CNTNAP2: variants seen among roughly 807,000 people sequenced by gnomAD.
The protein encoded by CNTNAP2 is contactin-associated protein-like 2.
In CNTNAP2, 98 loss-of-function variants were observed where a neutral mutation model predicts 155.2. That is an observed-to-expected ratio of 0.63 (90% CI 0.54 to 0.75). The LOEUF (loss-of-function observed/expected upper bound fraction) is 0.75, where lower values mean the gene tolerates loss of function less well. Among genes scored for constraint, CNTNAP2 ranks in the 30% least tolerant of loss-of-function variants. The pLI is 0.00. For synonymous variants in CNTNAP2, 651 were observed against 631.2 expected, an observed-to-expected ratio of 1.03 and a Z score of -0.47; for missense variants, 1,727 against 1,688.1, an observed-to-expected ratio of 1.02 and a Z score of -0.40.
At chr7:148,269,262 A>G (rs952687355) in intron 21 of CNTNAP2, among the ~76,000 whole-genome samples, 1 of 152,228 alleles carries the variant, frequency 6.6e-6, no homozygotes, top group Non-Finnish European at 1.5e-5. Flanking sequence ...ATTGTACGAT[A>G]TGAAAGATAA....
chr7:147,062,574 C>A (rs971286631), intron 4 of CNTNAP2, among the ~76,000 whole-genome samples: 1 of 152,062 alleles, frequency 6.6e-6, no homozygotes, highest in Non-Finnish European at 1.5e-5. Context: ...CCCATTTTTG[C>A]CACTCATAAT....
intron 21 of CNTNAP2, among the ~76,000 whole-genome samples, chr7:148,305,480 T>A (rs1436918721): frequency 1.3e-5 from 2 of 152,162 alleles, no homozygotes; most frequent in African/African-American, 4.8e-5. Context: ...TCTGTATTAG[T>A]CTGTCTTCCT....
intron 21 of CNTNAP2, among the ~76,000 whole-genome samples, chr7:148,322,349 T>C (rs1797807449): frequency 6.6e-6 from 1 of 152,168 alleles, no homozygotes; most frequent in South Asian, 2.1e-4. Context: ...TCTCGTACAC[T>C]CTGAGGGAAA....
intron 1 of CNTNAP2, among the ~76,000 whole-genome samples, chr7:146,168,431 C>G (rs1798343772): frequency 6.6e-6 from 1 of 152,184 alleles, no homozygotes; most frequent in Admixed American, 6.5e-5. Flanking sequence ...CATTCCCTAT[C>G]CTACAGATAA....
At chr7:147,152,796 A>T (rs1801852682) in intron 8 of CNTNAP2, among the ~76,000 whole-genome samples, 1 of 152,168 alleles carries the variant, frequency 6.6e-6, no homozygotes. Flanking sequence ...AATTAAAAGA[A>T]ATCTTACAGA....
At chr7:146,604,326 C>G (rs1462929370) in intron 1 of CNTNAP2, among the ~76,000 whole-genome samples, 1 of 125,414 alleles carries the variant, frequency 8.0e-6, no homozygotes, top group Non-Finnish European at 1.6e-5. Flanking sequence ...TGAAAAAATG[C>G]TCATCATCAC....
At chr7:147,116,978 C>T (rs976195561) in intron 5 of CNTNAP2, among the ~76,000 whole-genome samples, 16 of 152,148 alleles carry the variant, frequency 1.1e-4, no homozygotes, top group African/African-American at 1.9e-4. Flanking sequence ...TACCTCTCCT[C>T]GAGGCTCCAT....
intron 14 of CNTNAP2, among the ~76,000 whole-genome samples, chr7:147,941,232 A>T (rs927664303): frequency 6.6e-6 from 1 of 152,110 alleles, no homozygotes; most frequent in Non-Finnish European, 1.5e-5. Flanking sequence ...TAAGAGAGAG[A>T]CCCTGGAAGG....
At chr7:146,886,453 T>C (rs187021622) in intron 3 of CNTNAP2, among the ~76,000 whole-genome samples, 1 of 152,188 alleles carries the variant, frequency 6.6e-6, no homozygotes, top group East Asian at 1.9e-4. Context: ...ATGATTCACA[T>C]TTGTGCCCTG....
At chr7:148,385,751 T>TGTTTGTTTGTTTGTTTG (rs1563067664) in intron 22 of CNTNAP2, among the ~76,000 whole-genome samples, 231 of 106,248 alleles carry the variant, frequency 2.2e-3, no homozygotes, top group African/African-American at 7.8e-3. Context: ...TTTTTTTTTT[T>TGTTTGTTTGTTTGTTTG]TTTTTTTTTG....
At chr7:147,721,155 A>G (rs1329888022) in intron 13 of CNTNAP2, among the ~76,000 whole-genome samples, 1 of 151,992 alleles carries the variant, frequency 6.6e-6, no homozygotes, top group African/African-American at 2.4e-5. Flanking sequence ...CCTAATCTGT[A>G]ATTGAGTTGG....
chr7:147,176,098 G>T (rs1300590731), intron 8 of CNTNAP2, among the ~76,000 whole-genome samples: 3 of 152,152 alleles, frequency 2.0e-5, no homozygotes, highest in Non-Finnish European at 4.4e-5. Flanking sequence ...CATAAGGATG[G>T]CTAGACCTGA....
Position 148,070,451 on chromosome 7 carries a change from C to T in CNTNAP2, c.2384-47667C>T, listed in dbSNP as rs956460973. Among the ~76,000 whole-genome samples the T allele has an allele frequency of 2.6e-5, 4 of 152,250 alleles. No individual in the cohort carries two copies. The South Asian group carries it at 8.3e-4, about 31-fold the overall frequency. On this transcript the variant is annotated intron_variant, in intron 15 of 23. Coordinates refer to ENST00000361727, the MANE Select transcript of CNTNAP2 (RefSeq NM_014141.6). ...AACAGTTTTGGGCTGGGCACCGTGGCTCATGCCTGTAATCCCAGCACTCGG... is the reference window on the plus strand; with the variant it reads ...AACAGTTTTGGGCTGGGCACCGTGGTTCATGCCTGTAATCCCAGCACTCGG...
chr7:148,298,126 G>A (rs1797318454), intron 21 of CNTNAP2, among the ~76,000 whole-genome samples: 1 of 152,196 alleles, frequency 6.6e-6, no homozygotes, highest in Non-Finnish European at 1.5e-5. Flanking sequence ...CATTTACGTG[G>A]TCTTAATCAT....
intron 18 of CNTNAP2, among the ~76,000 whole-genome samples, chr7:148,212,007 T>C (rs1795559595): frequency 6.6e-6 from 1 of 152,086 alleles, no homozygotes; most frequent in South Asian, 2.1e-4. Context: ...GGTTGCAAAA[T>C]ATAGGTTGCA....
chr7:148,030,102 T>G (rs2373314), intron 15 of CNTNAP2, among the ~76,000 whole-genome samples: 48,956 of 152,070 alleles, frequency 0.32, 9,547 homozygotes, highest in East Asian at 0.77. Context: ...TCTAGTCTAG[T>G]TGTTGTATCT....
chr7:146,790,639 A>G (rs1011032788), intron 2 of CNTNAP2, among the ~76,000 whole-genome samples: 12 of 147,298 alleles, frequency 8.1e-5, no homozygotes, highest in Non-Finnish European at 1.5e-4. Context: ...GCGCGATCTC[A>G]GCTCACTGCA....
At chr7:148,180,366 T>C (rs76623118) in intron 18 of CNTNAP2, among the ~76,000 whole-genome samples, 15,550 of 152,236 alleles carry the variant, frequency 0.1, 871 homozygotes, top group Non-Finnish European at 0.12. Context: ...TCTCTCTTAA[T>C]GTATTTCTTA....
chr7:147,764,890 T>C (rs1436758320), intron 13 of CNTNAP2, among the ~76,000 whole-genome samples: 1 of 152,184 alleles, frequency 6.6e-6, no homozygotes, highest in Non-Finnish European at 1.5e-5. Flanking sequence ...AGGTTTTGGT[T>C]GTTCAAAATA....
Sources: gnomAD v4.1 joint callset for allele counts (sites outside exome capture counted in the v4.1 genomes callset) on GRCh38, gnomAD v4.1.1 for gene constraint, MANE v1.5 for transcripts, NCBI Gene and HGNC (gene_info 2026-07-23, HGNC 2026-07-21) for gene names.